Variants in PAH observed in about 807,000 individuals in gnomAD.
PAH encodes phenylalanine hydroxylase.
In PAH, 64 loss-of-function variants were observed where a neutral mutation model predicts 62.0. The observed-to-expected ratio is 1.03, with a 90% CI of 0.84 to 1.27. The LOEUF (loss-of-function observed/expected upper bound fraction) is 1.27. Ranked by LOEUF, PAH falls within the 50% of genes most tolerant of loss-of-function variation. PAH has a pLI of 0.00. For missense variants in PAH, 579 were observed against 542.8 expected (o/e 1.07, Z -0.66); for synonymous variants, 195 against 196.2 (o/e 0.99, Z 0.05).
intron 2 of PAH, among the ~76,000 whole-genome samples, chr12:102,912,438 CA>C: frequency 6.6e-6 from 1 of 152,052 alleles, no homozygotes; most frequent in Non-Finnish European, 1.5e-5. Flanking sequence ...ACATGTGACA[CA>C]TGTGATTACA....
intron 2 of PAH, among the ~76,000 whole-genome samples, chr12:102,903,330 T>C (rs528508050): frequency 1.3e-5 from 2 of 149,530 alleles, no homozygotes; most frequent in African/African-American, 2.5e-5. Flanking sequence ...CAATGCACTG[T>C]AGCCTGGGGG....
At chr12:102,877,804 C>T (rs1020965969) in intron 3 of PAH, among the ~76,000 whole-genome samples, 12 of 152,212 alleles carry the variant, frequency 7.9e-5, no homozygotes, top group Non-Finnish European at 1.3e-4. Flanking sequence ...CCCTCCCACC[C>T]GTCATGGTAG....
intron 11 of PAH, among the ~76,000 whole-genome samples, chr12:102,841,472 C>T (rs937642004): frequency 6.6e-6 from 1 of 152,214 alleles, no homozygotes; most frequent in East Asian, 1.9e-4. Flanking sequence ...TCTATTATGG[C>T]CCTTGTGACC....
chr12:102,863,997 A>T (rs1311644896), intron 5 of PAH, among the ~76,000 whole-genome samples: 1 of 152,076 alleles, frequency 6.6e-6, no homozygotes, highest in African/African-American at 2.4e-5. Context: ...TTACTTTTAT[A>T]TGGTCTCTTG....
At chr12:102,840,080 A>T in intron 12 of PAH, among the ~76,000 whole-genome samples, 1 of 152,198 alleles carries the variant, frequency 6.6e-6, no homozygotes, top group East Asian at 1.9e-4. Flanking sequence ...GAGTGATAAC[A>T]ACTGGACACT....
In PAH at chr12:102,859,905, T is replaced by G. The variant is rs912048551; in HGVS notation, c.510-4573A>C. 2.0e-5 allele frequency among the ~76,000 whole-genome samples: 3 copies of G among 152,290 alleles called. 1 individual carries two copies. The highest frequency in any genetic ancestry group is 1.5e-5 in the Non-Finnish European group (1 of 68,034). ...AAAAGCTGGAAGCATTCCCTTCCCTTTGAAACCTGGCACAAGACAGGGATG... is the reference window on the plus strand; with the variant it reads ...AAAAGCTGGAAGCATTCCCTTCCCTGTGAAACCTGGCACAAGACAGGGATG... On this transcript the variant is annotated intron_variant, in intron 5 of 12. Transcript: ENST00000553106.
intron 5 of PAH, among the ~76,000 whole-genome samples, chr12:102,856,556 C>T (rs1054304366): frequency 5.9e-5 from 9 of 152,300 alleles, no homozygotes; most frequent in South Asian, 2.1e-4. Flanking sequence ...CCCTGACCCC[C>T]GAGTAGCCTA....
chr12:102,954,311 C>G (rs924151781), upstream of PAH, among the ~76,000 whole-genome samples: 17 of 152,230 alleles, frequency 1.1e-4, no homozygotes. Flanking sequence ...GACAGTGAGA[C>G]AGAGTGGCAC....
chr12:102,942,504 T>C (rs185970968), intron 1 of PAH, among the ~76,000 whole-genome samples: 3 of 152,174 alleles, frequency 2.0e-5, no homozygotes, highest in Admixed American at 2.0e-4. Context: ...CCACAACAGA[T>C]TCATTGCTAT....
chr12:102,955,483 T>A (rs1013556802), upstream of PAH, among the ~76,000 whole-genome samples: 3 of 152,196 alleles, frequency 2.0e-5, no homozygotes, highest in East Asian at 5.8e-4. Context: ...GGCTCATGTT[T>A]CAGCTTAATG....
Position 102,845,920 on chromosome 12 carries a change from T to A in PAH, c.969+975A>T, listed in dbSNP as rs1253470110. ...GTCATTTTAATATTGTTATGGCAGA[T>A]AACATGATGCTTTGACTTCCAAGTT... On this transcript the variant is annotated intron_variant, in intron 9 of 12. Transcript: ENST00000553106. Among the ~76,000 whole-genome samples, 3 of 152,192 alleles carry A rather than the reference T, an allele frequency of 2.0e-5. No homozygotes were observed. The East Asian group carries it at 5.8e-4, about 29-fold the overall frequency.
At chr12:102,839,929 C>A (rs1039111521) in intron 12 of PAH, among the ~76,000 whole-genome samples, 7 of 152,132 alleles carry the variant, frequency 4.6e-5, no homozygotes, top group Admixed American at 2.6e-4. Context: ...GTATGAAGGG[C>A]TAGAGAGATA....
upstream of PAH, among the ~76,000 whole-genome samples, chr12:102,921,847 T>G (rs752675780): frequency 3.3e-5 from 5 of 152,210 alleles, no homozygotes; most frequent in Non-Finnish European, 5.9e-5. Flanking sequence ...AGATCAAATT[T>G]TCTTTCTCTG....
In PAH at chr12:102,837,236, T is replaced by C. The variant is rs1874401178; in HGVS notation, c.*1939A>G. On this transcript the variant is annotated 3_prime_UTR_variant, in exon 13 of 13. Coordinates refer to ENST00000553106, the MANE Select transcript of PAH (RefSeq NM_000277.3). ...TAGCACATTACCAAAAATACAAATA[T>C]TATCTTTCATTCAGTATGTAACTTC... 1 of 152,192 alleles carries C rather than the reference T, an allele frequency of 6.6e-6. No individual in the cohort carries two copies. Among genetic ancestry groups the C allele is most frequent in the Admixed American group, 6.5e-5 (1 of 15,270 alleles). 9.4% of individuals were successfully genotyped at this position (152,192 alleles called of 1,614,324 possible).
chr12:102,871,838 C>G (rs1042232162), intron 4 of PAH, among the ~76,000 whole-genome samples: 2 of 150,358 alleles, frequency 1.3e-5, no homozygotes, highest in African/African-American at 2.5e-5. Context: ...AGGAGAACTG[C>G]TTGAACCTGG....
intron 3 of PAH, among the ~76,000 whole-genome samples, chr12:102,885,480 G>A (rs1205252829): frequency 6.6e-6 from 1 of 152,232 alleles, no homozygotes; most frequent in Non-Finnish European, 1.5e-5. Flanking sequence ...ACTTGGGCAG[G>A]CTGGGGCAAC....
intron 3 of PAH, among the ~76,000 whole-genome samples, chr12:102,885,324 C>G (rs1876987555): frequency 6.6e-6 from 1 of 152,222 alleles, no homozygotes; most frequent in Non-Finnish European, 1.5e-5. Context: ...TAGAGACTGA[C>G]CCCAGCGACC....
intron 3 of PAH, among the ~76,000 whole-genome samples, chr12:102,885,399 C>A (rs1026117124): frequency 2.6e-5 from 4 of 152,218 alleles, no homozygotes; most frequent in African/African-American, 9.6e-5. Context: ...ATACCTCGGC[C>A]GGTGGGCTGG....
In PAH at chr12:102,866,601, G is replaced by A. The variant is rs281865455; in HGVS notation, c.504C>T (p.Tyr168=). The change falls in exon 5 of 13, where the codon TAC becomes TAT. Residue 168 remains tyrosine, a synonymous_variant. Coordinates refer to ENST00000553106, the MANE Select transcript of PAH (RefSeq NM_000277.3). ...RKQFADIAYN[Y]RHGQPIPRVE... ...AACAAGCAAGGCAGACTTACTGGCG[G>A]TAGTTGTAGGCAATGTCAGCAAACT... 5.6e-6 allele frequency: 9 copies of A among 1,612,918 alleles called. No homozygotes were observed. The highest frequency in any genetic ancestry group is 1.1e-5 in the South Asian group (1 of 91,062).
Sources: allele counts gnomAD v4.1 joint callset (sites outside exome capture counted in the v4.1 genomes callset), GRCh38; gene constraint gnomAD v4.1.1; transcripts MANE v1.5; gene names NCBI Gene and HGNC (gene_info 2026-07-23, HGNC 2026-07-21).